The following NRG1 variants were observed in gnomAD, a reference collection of about 807,000 sequenced individuals.
The protein encoded by NRG1 is pro-neuregulin-1, membrane-bound isoform.
NRG1 carries 18 observed loss-of-function variants against 63.8 expected under a neutral mutation model. The ratio of observed to expected loss-of-function variants is 0.28; its 90% CI spans 0.19 to 0.42. The LOEUF is 0.42. Ranked by LOEUF, NRG1 falls within the 10% of genes least tolerant of loss-of-function variation. NRG1 has a pLI of 1.00. For missense variants in NRG1, 762 were observed against 814.7 expected, an observed-to-expected ratio of 0.94 and a Z score of 0.79; for synonymous variants, 302 against 301.3, an observed-to-expected ratio of 1.00 and a Z score of -0.02.
At chr8:31,899,947 G>C (rs961288139) in intron 1 of NRG1, among the ~76,000 whole-genome samples, 1 of 152,198 alleles carries the variant, frequency 6.6e-6, no homozygotes, top group Non-Finnish European at 1.5e-5. Context: ...TCTCCAATGG[G>C]TCTTTGAGGA....
At chr8:32,718,711 C>A (rs1819883100) in intron 5 of NRG1, among the ~76,000 whole-genome samples, 1 of 152,132 alleles carries the variant, frequency 6.6e-6, no homozygotes, top group African/African-American at 2.4e-5. Flanking sequence ...CTTACCTCCG[C>A]ATTTATTTGT....
intron 1 of NRG1, among the ~76,000 whole-genome samples, chr8:31,981,614 C>A (rs895343953): frequency 3.9e-5 from 6 of 151,980 alleles, no homozygotes; most frequent in Non-Finnish European, 8.8e-5. Flanking sequence ...ATGGTGAAAT[C>A]TCCTGTTTCT....
intron 1 of NRG1, among the ~76,000 whole-genome samples, chr8:32,349,177 T>C (rs1233112164): frequency 6.6e-6 from 1 of 152,180 alleles, no homozygotes; most frequent in South Asian, 2.1e-4. Context: ...TTCCTAGTTA[T>C]GTGAAAGATA....
chr8:32,451,993 T>C (rs1038578306), intron 1 of NRG1, among the ~76,000 whole-genome samples: 1 of 152,022 alleles, frequency 6.6e-6, no homozygotes, highest in Non-Finnish European at 1.5e-5. Context: ...GCCCCACTAC[T>C]TTTTTGTATT....
chr8:31,952,942 T>C (rs1803709824), intron 1 of NRG1, among the ~76,000 whole-genome samples: 1 of 152,244 alleles, frequency 6.6e-6, no homozygotes, highest in African/African-American at 2.4e-5. Context: ...TTTAATTTTA[T>C]GCAGTATTTT....
At chr8:32,482,398 T>TTGTG (rs10689849) in intron 1 of NRG1, among the ~76,000 whole-genome samples, 91 of 148,320 alleles carry the variant, frequency 6.1e-4, no homozygotes, top group South Asian at 1.1e-3. Flanking sequence ...CTTTCTACTT[T>TTGTG]TGTGTGTGTG....
chr8:31,753,487 A>T (rs1314197655), intron 1 of NRG1, among the ~76,000 whole-genome samples: 1 of 152,074 alleles, frequency 6.6e-6, no homozygotes, highest in African/African-American at 2.4e-5. Flanking sequence ...AAGCCAAGGG[A>T]TTTTTGAGTT....
intron 1 of NRG1, among the ~76,000 whole-genome samples, chr8:31,993,667 T>A (rs2129632947): frequency 6.6e-6 from 1 of 152,122 alleles, no homozygotes; most frequent in Admixed American, 6.6e-5. Flanking sequence ...CTCTTTCCTT[T>A]ATAAATTGCC....
chr8:32,382,716 G>A (rs963475557), intron 1 of NRG1, among the ~76,000 whole-genome samples: 2 of 152,072 alleles, frequency 1.3e-5, no homozygotes, highest in Non-Finnish European at 2.9e-5. Flanking sequence ...CAGTAAACCA[G>A]TGGAGCTCTC....
chr8:31,872,349 T>C (rs577739759), intron 1 of NRG1, among the ~76,000 whole-genome samples: 7 of 152,202 alleles, frequency 4.6e-5, no homozygotes, highest in African/African-American at 1.7e-4. Context: ...AATTCCTTCT[T>C]TCTTGTTCCA....
chr8:31,935,695 ACT>A (rs1315708503), intron 1 of NRG1, among the ~76,000 whole-genome samples: 5 of 151,924 alleles, frequency 3.3e-5, no homozygotes, highest in Non-Finnish European at 7.4e-5. Flanking sequence ...CCTATCTGTG[ACT>A]CTGTCTCCAA....
intron 1 of NRG1, among the ~76,000 whole-genome samples, chr8:32,553,040 A>G (rs1834448111): frequency 6.6e-6 from 1 of 152,240 alleles, no homozygotes; most frequent in South Asian, 2.1e-4. Context: ...GCTATTAGGC[A>G]GCAAGATGCC....
exon 12 of NRG1, chr8:32,767,018 A>T (rs1831481566): frequency 6.6e-6 from 1 of 152,220 alleles, no homozygotes. Flanking sequence ...TTTGACAGCA[A>T]CTTTGTTTCC....
intron 5 of NRG1, among the ~76,000 whole-genome samples, chr8:32,653,839 G>C (rs1855682110): frequency 6.6e-6 from 1 of 152,072 alleles, no homozygotes; most frequent in African/African-American, 2.4e-5. Flanking sequence ...ACTGAATAAA[G>C]ACATGAGTTC....
intron 1 of NRG1, among the ~76,000 whole-genome samples, chr8:32,402,035 C>T (rs1012229567): frequency 6.6e-6 from 1 of 152,068 alleles, no homozygotes; most frequent in South Asian, 2.1e-4. Flanking sequence ...CCTCAGTCAC[C>T]CGAGTACCTG....
At chr8:32,222,243 GATAAAA>G (rs1427150471) in intron 1 of NRG1, among the ~76,000 whole-genome samples, 3 of 152,078 alleles carry the variant, frequency 2.0e-5, no homozygotes, top group African/African-American at 7.2e-5. Flanking sequence ...CTAAAAAAGA[GATAAAA>G]ATAAAGATAA....
At position 32,424,764 on chromosome 8, in the gene NRG1, G is replaced by A. The variant is rs1817131680; in HGVS notation, c.38-171064G>A. 3.3e-5 allele frequency among the ~76,000 whole-genome samples: 5 copies of A among 152,116 alleles called. No individual in the cohort carries two copies. In the South Asian group the frequency reaches 1.0e-3, roughly 32 times the overall value. On this transcript the variant is annotated intron_variant, in intron 1 of 10. Transcript: ENST00000519301. ...TTCCTGTAATCCCAGCAATATGGAAGGTGGGAAGATCACTTGAGTCCAAGA... is the reference window on the plus strand; with the variant it reads ...TTCCTGTAATCCCAGCAATATGGAAAGTGGGAAGATCACTTGAGTCCAAGA...
chr8:32,126,125 G>A (rs762528755), intron 1 of NRG1, among the ~76,000 whole-genome samples: 3 of 151,864 alleles, frequency 2.0e-5, no homozygotes, highest in Non-Finnish European at 2.9e-5. Flanking sequence ...AATTTATTGA[G>A]TGAATAAAGA....
intron 1 of NRG1, among the ~76,000 whole-genome samples, chr8:31,701,113 T>C (rs1181533256): frequency 3.3e-5 from 5 of 152,202 alleles, no homozygotes; most frequent in Non-Finnish European, 7.3e-5. Context: ...TATATTCATA[T>C]CTTACATTTT....
Sources: gnomAD v4.1 joint callset for allele counts (sites outside exome capture counted in the v4.1 genomes callset) on GRCh38, gnomAD v4.1.1 for gene constraint, MANE v1.5 for transcripts, NCBI Gene and HGNC (gene_info 2026-07-23, HGNC 2026-07-21) for gene names.